The following ATG2B variants were observed in gnomAD, a reference collection of about 807,000 sequenced individuals.
The protein encoded by ATG2B is autophagy related 2B.
In ATG2B, 121 loss-of-function variants were observed where a neutral mutation model predicts 241.3. That is an observed-to-expected ratio of 0.50 (90% CI 0.43 to 0.58). The LOEUF (loss-of-function observed/expected upper bound fraction) is 0.58, where lower values mean the gene tolerates loss of function less well. ATG2B is among the 20% of genes least tolerant of loss of function. The probability of loss-of-function intolerance (pLI) is 0.00; values close to 1 mark genes in which losing one functional copy is unlikely to be tolerated. For missense variants in ATG2B, 2,306 were observed against 2,491.6 expected (o/e 0.93, Z 1.59); for synonymous variants, 858 against 876.6 (o/e 0.98, Z 0.37).
intron 6 of ATG2B, among the ~76,000 whole-genome samples, chr14:96,338,229 G>A (rs1887917012): frequency 6.6e-6 from 1 of 151,980 alleles, no homozygotes; most frequent in Non-Finnish European, 1.5e-5. Context: ...TAGCATAGGT[G>A]AACAGCTATA....
At chr14:96,359,576 A>G (rs937002047) in intron 1 of ATG2B, among the ~76,000 whole-genome samples, 3 of 152,228 alleles carry the variant, frequency 2.0e-5, no homozygotes, top group Admixed American at 6.5e-5. Flanking sequence ...ATAAAGGCAC[A>G]GTCATAGAGT....
At chr14:96,336,659 T>A (rs1399323764) in intron 6 of ATG2B, among the ~76,000 whole-genome samples, 1 of 152,200 alleles carries the variant, frequency 6.6e-6, no homozygotes, top group Non-Finnish European at 1.5e-5. Flanking sequence ...GAGGACTACA[T>A]ATAATTAACC....
chr14:96,317,230 T>G lies in ATG2B; in HGVS notation c.3125A>C (p.Asp1042Ala), dbSNP rs1887339893. The G allele has an allele frequency of 6.2e-7, 1 of 1,613,412 alleles. No homozygotes were observed. The highest frequency in any genetic ancestry group is 1.3e-5 in the African/African-American group (1 of 74,832). ...ACTCTGAGAGTTCTTGTTCTGAGAG[T>G]CTAATTTTTTTTTCCTGCGAGAACG... ...NYRSRRKKKL[D>A]SQNKNSQSFL... The change falls in exon 20 of 42, where the codon GAC becomes GCC. Residue 1042 changes from aspartate to alanine, a missense_variant. Asp to Ala is a moderately radical substitution (Grantham distance 126). This residue lies in a region of ATG2B where 1,927 missense variants were observed against 2,011.2 expected (regional missense o/e 0.96). Coordinates refer to ENST00000359933, the MANE Select transcript of ATG2B (RefSeq NM_018036.7).
chr14:96,312,477 C>T (rs1199438861), intron 25 of ATG2B, among the ~76,000 whole-genome samples: 1 of 152,148 alleles, frequency 6.6e-6, no homozygotes, highest in Non-Finnish European at 1.5e-5. Context: ...TGTAGTGGCT[C>T]ACACCTGTAA....
At chr14:96,324,608 A>G (rs957127141) in intron 15 of ATG2B, among the ~76,000 whole-genome samples, 1 of 152,208 alleles carries the variant, frequency 6.6e-6, no homozygotes, top group Non-Finnish European at 1.5e-5. Context: ...GATTGCAGTG[A>G]GCCAAGATCA....
Position 96,289,043 on chromosome 14 carries a change from GA to G in ATG2B, c.6006+612del, listed in dbSNP as rs1231337603. Among the ~76,000 whole-genome samples, 1 of 152,144 alleles carries G rather than the reference GA, an allele frequency of 6.6e-6. No individual in the cohort carries two copies. Among genetic ancestry groups the G allele is most frequent in the African/African-American group, 2.4e-5 (1 of 41,430 alleles). Reference sequence around the variant, plus strand: ...ATAAATTATGATATATTCATACAGTGAAATACCATAAAACTGTGGAAATTAG... The same window carrying G: ...ATAAATTATGATATATTCATACAGTGAATACCATAAAACTGTGGAAATTAG... On this transcript the variant is annotated intron_variant, in intron 41 of 41. Coordinates refer to ENST00000359933, the MANE Select transcript of ATG2B (RefSeq NM_018036.7). The surrounding 1 kb of genome is among the most constrained non-coding windows in gnomAD (Gnocchi z 4.3).
chr14:96,313,987 C>T (rs559582496), intron 23 of ATG2B, among the ~76,000 whole-genome samples: 1 of 152,264 alleles, frequency 6.6e-6, no homozygotes, highest in Admixed American at 6.5e-5. Context: ...TTGAAGGAAG[C>T]TCTTTTTCCT....
chr14:96,339,996 T>C (rs1301504141), intron 6 of ATG2B, among the ~76,000 whole-genome samples: 5 of 150,072 alleles, frequency 3.3e-5, no homozygotes, highest in African/African-American at 9.8e-5. Context: ...ACCAAAGAGA[T>C]AGCTGCACTG....
rs1193194436 is a variant in ATG2B, at chr14:96,281,030, T to C, written c.*4725A>G. 6.6e-6 allele frequency: 1 copy of C among 152,188 alleles called. No homozygotes were observed. Among genetic ancestry groups the C allele is most frequent in the East Asian group, 1.9e-4 (1 of 5,192 alleles). 9.4% of individuals were successfully genotyped at this position (152,188 alleles called of 1,614,324 possible). Reference sequence around the variant, plus strand: ...GTCCTTATTGCAGGGATAGGATAACTAATAGAGGGACTAAAATCCAAAGCA... The same window carrying C: ...GTCCTTATTGCAGGGATAGGATAACCAATAGAGGGACTAAAATCCAAAGCA... On this transcript the variant is annotated 3_prime_UTR_variant, in exon 42 of 42. Coordinates refer to ENST00000359933, the MANE Select transcript of ATG2B (RefSeq NM_018036.7).
At chr14:96,345,118 G>T (rs1888137596) in intron 3 of ATG2B, 115 bp downstream of exon 3, 1 of 732,470 alleles carries the variant, frequency 1.4e-6, no homozygotes, top group Non-Finnish European at 2.2e-6. Context: ...AGTGGGAACA[G>T]TAATTCTTTT....
At chr14:96,316,182 G>A (rs899321771) in intron 21 of ATG2B, among the ~76,000 whole-genome samples, 9 of 152,154 alleles carry the variant, frequency 5.9e-5, no homozygotes, top group Non-Finnish European at 8.8e-5. Context: ...AGGAGAGAGC[G>A]GAAGGGGTGA....
chr14:96,290,595 A>G lies in ATG2B; in HGVS notation c.5702-5T>C. On this transcript the variant is annotated splice_region_variant and splice_polypyrimidine_tract_variant and intron_variant, in intron 39 of 41. Coordinates refer to ENST00000359933, the MANE Select transcript of ATG2B (RefSeq NM_018036.7). The surrounding 1 kb of genome is among the most constrained non-coding windows in gnomAD (Gnocchi z 4.4). ...CCAAGTCCTTTAGGCCTTGTACTAC[A>G]ACAGTCAACACAAAATCAACATCAG... 6.2e-7 allele frequency: 1 copy of G among 1,613,702 alleles called. No individual in the cohort carries two copies. The highest frequency in any genetic ancestry group is 8.5e-7 in the Non-Finnish European group (1 of 1,179,776).
Position 96,289,766 on chromosome 14 carries a change from T to A in ATG2B, c.5896A>T (p.Thr1966Ser). 1 of 1,614,066 alleles carries A rather than the reference T, an allele frequency of 6.2e-7. No homozygotes were observed. Among genetic ancestry groups the A allele is most frequent in the Non-Finnish European group, 8.5e-7 (1 of 1,179,990 alleles). The change falls in exon 41 of 42, where the codon ACC becomes TCC. Residue 1966 changes from threonine (T) to serine (S), a missense_variant. Transcript: ENST00000359933. The surrounding 1 kb of genome is among the most constrained non-coding windows in gnomAD (Gnocchi z 4.3). ...ETAYDMVSPG[T>S]LSIEPKKTKR... ...GTCTTCTTGGGCTCGATAGAAAGGGTACCAGGAGACACCATATCATAAGCA... is the reference window on the plus strand; with the variant it reads ...GTCTTCTTGGGCTCGATAGAAAGGGAACCAGGAGACACCATATCATAAGCA...
At chr14:96,319,312 A>G (rs1887398201) in intron 18 of ATG2B, among the ~76,000 whole-genome samples, 1 of 152,248 alleles carries the variant, frequency 6.6e-6, no homozygotes, top group African/African-American at 2.4e-5. Context: ...AAGAAATATC[A>G]AGAAAGAAAA....
At chr14:96,328,322 G>A in intron 14 of ATG2B, 25 bp downstream of exon 14, 1 of 1,542,126 alleles carries the variant, frequency 6.5e-7, no homozygotes, top group Non-Finnish European at 8.8e-7. Flanking sequence ...ATTATGATTA[G>A]TATTTGCAGC....
At chr14:96,293,351 T>C (rs1254907357) in intron 36 of ATG2B, 1 of 151,994 alleles carries the variant, frequency 6.6e-6, no homozygotes, top group Non-Finnish European at 1.5e-5. Flanking sequence ...TTTCTCACTT[T>C]TTTTTTCTCC....
chr14:96,328,844 G>A, intron 12 of ATG2B, 78 bp from the exon 13 acceptor site: 1 of 1,109,692 alleles, frequency 9.0e-7, no homozygotes, highest in Non-Finnish European at 1.3e-6. Context: ...TAATGAGAAA[G>A]GCTTTCTGAA....
intron 13 of ATG2B, 50 bp from the exon 14 acceptor site, chr14:96,328,585 T>C: frequency 1.9e-6 from 3 of 1,555,422 alleles, no homozygotes; most frequent in Non-Finnish European, 2.6e-6. Flanking sequence ...TAAAAACTAC[T>C]ATATAATTGG....
At chr14:96,351,277 C>G (rs1888311207) in intron 1 of ATG2B, among the ~76,000 whole-genome samples, 2 of 152,186 alleles carry the variant, frequency 1.3e-5, no homozygotes, top group Non-Finnish European at 2.9e-5. Flanking sequence ...CACAACCAAC[C>G]TCTATCATTA....
Sources: allele counts gnomAD v4.1 joint callset (sites outside exome capture counted in the v4.1 genomes callset), GRCh38; gene constraint gnomAD v4.1.1; regional missense constraint gnomAD v4.1.1; non-coding constraint Gnocchi (gnomAD v3.1); transcripts MANE v1.5; gene names NCBI Gene and HGNC (gene_info 2026-07-23, HGNC 2026-07-21).